The following ODAD2 variants were observed in gnomAD, a reference collection of about 807,000 sequenced individuals.
The protein encoded by ODAD2 is outer dynein arm-docking complex subunit 2.
A neutral mutation model predicts 106.8 loss-of-function variants in ODAD2; 89 were observed. The ratio of observed to expected loss-of-function variants is 0.83; its 90% CI spans 0.70 to 0.99. The LOEUF is 0.99. ODAD2 is among the 50% of genes least tolerant of loss of function. ODAD2 has a pLI of 0.00. For missense variants in ODAD2, 1,168 were observed against 1,238.5 expected (o/e 0.94, Z 0.85); for synonymous variants, 404 against 436.2 (o/e 0.93, Z 0.92).
At chr10:27,909,391 A>G (rs1272922670) in intron 16 of ODAD2, among the ~76,000 whole-genome samples, 1 of 152,214 alleles carries the variant, frequency 6.6e-6, no homozygotes, top group African/African-American at 2.4e-5. Context: ...AAATTTCACA[A>G]TTAACTATAA....
chr10:27,946,345 C>A (rs1356956726), intron 10 of ODAD2, among the ~76,000 whole-genome samples: 1 of 151,320 alleles, frequency 6.6e-6, no homozygotes, highest in Non-Finnish European at 1.5e-5. Context: ...TGTGCATTTG[C>A]AAATCTTCTT....
intron 17 of ODAD2, among the ~76,000 whole-genome samples, chr10:27,903,215 T>C (rs1158400753): frequency 1.3e-5 from 2 of 152,138 alleles, no homozygotes; most frequent in Non-Finnish European, 2.9e-5. Context: ...ATTATCTCAA[T>C]AGATGCAGAA....
At chr10:27,833,345 A>AT (rs1273201185) in intron 19 of ODAD2, among the ~76,000 whole-genome samples, 5 of 150,212 alleles carry the variant, frequency 3.3e-5, no homozygotes, top group Non-Finnish European at 7.4e-5. Flanking sequence ...GATTGCCTGT[A>AT]TTTATCACCT....
chr10:27,882,173 A>AAAAG (rs377482668), intron 17 of ODAD2, among the ~76,000 whole-genome samples: 20,483 of 109,602 alleles, frequency 0.19, 2,009 homozygotes, highest in East Asian at 0.23. Context: ...GTCATAAAAA[A>AAAAG]AAAGAAAGAA....
chr10:27,975,978 T>C (rs1849165449), intron 7 of ODAD2, among the ~76,000 whole-genome samples: 1 of 152,072 alleles, frequency 6.6e-6, no homozygotes. Context: ...TAAGGTTGGT[T>C]TGTCACTTGA....
At chr10:27,972,505 G>A (rs1848925616) in intron 7 of ODAD2, among the ~76,000 whole-genome samples, 1 of 152,076 alleles carries the variant, frequency 6.6e-6, no homozygotes, top group Non-Finnish European at 1.5e-5. Flanking sequence ...TGGAAAAGGA[G>A]ACCTAACTAT....
At chr10:27,975,611 T>A (rs1319825482) in intron 7 of ODAD2, among the ~76,000 whole-genome samples, 1 of 152,176 alleles carries the variant, frequency 6.6e-6, no homozygotes, top group Non-Finnish European at 1.5e-5. Context: ...TATACTGTCA[T>A]AGCTGTCAAA....
chr10:27,992,692 T>C (rs1194888601), intron 2 of ODAD2, among the ~76,000 whole-genome samples: 1 of 151,904 alleles, frequency 6.6e-6, no homozygotes, highest in Non-Finnish European at 1.5e-5. Context: ...CTGTCTTAAA[T>C]AAATACATAA....
chr10:27,965,029 G>A (rs1047051918), intron 9 of ODAD2, among the ~76,000 whole-genome samples: 1 of 152,204 alleles, frequency 6.6e-6, no homozygotes, highest in Non-Finnish European at 1.5e-5. Flanking sequence ...GGAGGCAACA[G>A]TCAGTAAGAC....
At chr10:27,821,031 C>T (rs2132861730) in intron 19 of ODAD2, among the ~76,000 whole-genome samples, 1 of 152,278 alleles carries the variant, frequency 6.6e-6, no homozygotes, top group East Asian at 1.9e-4. Flanking sequence ...CTGCCCACCT[C>T]AGCCTCCCAA....
chr10:27,862,543 A>C lies in ODAD2; in HGVS notation c.2690T>G (p.Val897Gly). Residue 897 changes from valine to glycine, a missense_variant, in exon 18 of 20, where the codon GTT (valine) becomes GGT (glycine). Physicochemically the swap from Val to Gly is moderately radical, Grantham distance 109. This residue lies in a region of ODAD2 where 701 missense variants were observed against 712.3 expected (regional missense o/e 0.98). Transcript: ENST00000305242. ...AATGGCAGCACATACACTTGCCAGA[A>C]CTTCTTTGTTATCTGATTTCAGTAA... The part of the protein sequence containing the change: ...VNLLKSDNKE[V>G]LASVCAAITN... 6.2e-7 allele frequency: 1 copy of C among 1,611,530 alleles called. No homozygotes were observed. Among genetic ancestry groups the C allele is most frequent in the Non-Finnish European group, 8.5e-7 (1 of 1,178,886 alleles).
chr10:27,904,789 G>T (rs1358624486), intron 17 of ODAD2, among the ~76,000 whole-genome samples: 1 of 152,212 alleles, frequency 6.6e-6, no homozygotes, highest in East Asian at 1.9e-4. Context: ...AACAAAGCTT[G>T]TTGGCATTTT....
chr10:27,984,191 A>T lies in ODAD2; in HGVS notation c.675T>A (p.Tyr225Ter). ...GNQTVLESIEYTSDYEFSNGC... is the reference protein window; with the variant it reads ...GNQTVLESIE ...CCTGAGAAAACATCAAACCTGAGGTATATTCAATAGATTCCAAGACTGTTT... is the reference window on the plus strand; with the variant it reads ...CCTGAGAAAACATCAAACCTGAGGTTTATTCAATAGATTCCAAGACTGTTT... Residue 225 changes from tyrosine (Y) to a stop codon, truncating the protein, a stop_gained, in exon 5 of 20, where the codon TAT (tyrosine) becomes TAA (stop). Coordinates refer to ENST00000305242, the MANE Select transcript of ODAD2 (RefSeq NM_018076.5). LOFTEE classifies it high-confidence loss of function. The T allele has an allele frequency of 6.2e-7, 1 of 1,609,352 alleles. No homozygotes were observed. The highest frequency in any genetic ancestry group is 8.5e-7 in the Non-Finnish European group (1 of 1,175,974).
At chr10:27,990,412 G>T (rs1850152672) in intron 2 of ODAD2, among the ~76,000 whole-genome samples, 1 of 152,232 alleles carries the variant, frequency 6.6e-6, no homozygotes. Flanking sequence ...CTGGGTTCGA[G>T]TGATCCTTCC....
At chr10:27,852,993 G>A (rs1839388784) in intron 19 of ODAD2, among the ~76,000 whole-genome samples, 1 of 149,648 alleles carries the variant, frequency 6.7e-6, no homozygotes, top group Admixed American at 6.7e-5. Context: ...AAAGCTAACC[G>A]TGTCAATATC....
chr10:27,859,933 TC>T (rs1364666288), intron 19 of ODAD2, among the ~76,000 whole-genome samples: 1 of 152,226 alleles, frequency 6.6e-6, no homozygotes. Context: ...TTCAGCCAGT[TC>T]CTTTGGTGTT....
At chr10:27,988,363 A>T (rs1850012334) in intron 2 of ODAD2, among the ~76,000 whole-genome samples, 2 of 143,296 alleles carry the variant, frequency 1.4e-5, no homozygotes, top group Non-Finnish European at 3.0e-5. Context: ...TTTGAGACAG[A>T]GTATCCCTCT....
At position 27,915,563 on chromosome 10, in the gene ODAD2, A is replaced by G. The variant is rs897771228; in HGVS notation, c.2496-7786T>C. On this transcript the variant is annotated intron_variant, in intron 16 of 19. Coordinates refer to ENST00000305242, the MANE Select transcript of ODAD2 (RefSeq NM_018076.5). ...GATTAAGTTTCAACATCTAAATGTG[A>G]GGGAACAGTATATATAGCACAGTAG... 3.3e-5 allele frequency among the ~76,000 whole-genome samples: 5 copies of G among 152,178 alleles called. No individual in the cohort carries two copies. In the South Asian group the frequency reaches 1.0e-3, roughly 32 times the overall value.
intron 17 of ODAD2, chr10:27,905,050 G>A (rs1055556389): frequency 5.4e-6 from 1 of 185,170 alleles, no homozygotes; most frequent in Non-Finnish European, 1.2e-5. Flanking sequence ...AGATGGTGCT[G>A]AGGCTTGAGC....
Sources: gnomAD v4.1 joint callset for allele counts (sites outside exome capture counted in the v4.1 genomes callset) on GRCh38, gnomAD v4.1.1 for gene constraint, gnomAD v4.1.1 regional missense constraint, MANE v1.5 for transcripts, NCBI Gene and HGNC (gene_info 2026-07-23, HGNC 2026-07-21) for gene names.